RPTOR: variants seen among roughly 807,000 people sequenced by gnomAD.
The protein encoded by RPTOR is regulatory associated protein of MTOR complex 1, also known as regulatory-associated protein of mTOR.
In RPTOR, 21 loss-of-function variants were observed where a neutral mutation model predicts 169.9. That is an observed-to-expected ratio of 0.12 (90% CI 0.09 to 0.18). The LOEUF is 0.18. Among genes scored for constraint, RPTOR ranks in the 10% least tolerant of loss-of-function variants. The pLI is 1.00. For synonymous variants in RPTOR, 732 were observed against 753.2 expected, an observed-to-expected ratio of 0.97 and a Z score of 0.46; for missense variants, 1,133 against 1,855.9, an observed-to-expected ratio of 0.61 and a Z score of 7.16.
intron 3 of RPTOR, among the ~76,000 whole-genome samples, chr17:80,679,864 G>A (rs140607117): frequency 3.3e-5 from 5 of 152,246 alleles, no homozygotes; most frequent in African/African-American, 1.2e-4. Flanking sequence ...ATCTCAAGAG[G>A]CAGGGTTAAC....
chr17:80,548,825 T>C (rs2084310824), intron 1 of RPTOR, among the ~76,000 whole-genome samples: 1 of 152,268 alleles, frequency 6.6e-6, no homozygotes, highest in African/African-American at 2.4e-5. Flanking sequence ...TGTTCTGTGC[T>C]AGGAGCTACA....
intron 2 of RPTOR, among the ~76,000 whole-genome samples, chr17:80,637,378 G>A (rs1020791457): frequency 1.3e-5 from 2 of 152,164 alleles, no homozygotes; most frequent in African/African-American, 4.8e-5. Context: ...GGCGAGACGG[G>A]GTCACAGCAC....
At chr17:80,834,412 G>A (rs56043926) in intron 9 of RPTOR, among the ~76,000 whole-genome samples, 18,147 of 152,172 alleles carry the variant, frequency 0.12, 2,149 homozygotes, top group African/African-American at 0.31. Flanking sequence ...TCCGTGCATC[G>A]TCTGGGCGCC....
intron 25 of RPTOR, 115 bp from the exon 26 acceptor site, chr17:80,945,552 A>T: frequency 1.7e-6 from 1 of 574,908 alleles, no homozygotes; most frequent in Non-Finnish European, 3.0e-6. Context: ...AGATTGCACC[A>T]CTGCACTCCA....
intron 11 of RPTOR, among the ~76,000 whole-genome samples, chr17:80,850,286 C>G (rs2067779435): frequency 6.6e-6 from 1 of 152,358 alleles, no homozygotes; most frequent in East Asian, 1.9e-4. Flanking sequence ...AGCTCCCACT[C>G]ACTTATACAT....
intron 1 of RPTOR, among the ~76,000 whole-genome samples, chr17:80,565,694 G>GGAGGGGTTAGAGCCCCAGGGC (rs1282720290): frequency 3.7e-5 from 5 of 136,540 alleles, no homozygotes; most frequent in Admixed American, 7.7e-5. Context: ...AGGCATGGGT[G>GGAGGGGTTAGAGCCCCAGGGC]TGGGAGCTGT....
chr17:80,938,018 G>A (rs540553610), intron 24 of RPTOR, among the ~76,000 whole-genome samples: 15 of 152,366 alleles, frequency 9.8e-5, no homozygotes, highest in African/African-American at 2.6e-4. Flanking sequence ...GTAAAGGAAG[G>A]CTGTGGGCTC....
chr17:80,649,418 G>C (rs569769946), intron 3 of RPTOR, among the ~76,000 whole-genome samples: 12 of 152,194 alleles, frequency 7.9e-5, no homozygotes, highest in African/African-American at 2.6e-4. Context: ...CCTGCCGCCA[G>C]CCCTCCCTCC....
chr17:80,802,243 T>G (rs1375036366), intron 7 of RPTOR: 1 of 152,266 alleles, frequency 6.6e-6, no homozygotes, highest in Non-Finnish European at 1.5e-5. Flanking sequence ...AGCACGGAGC[T>G]GTAACATCTG....
intron 2 of RPTOR, among the ~76,000 whole-genome samples, chr17:80,634,308 C>CTA (rs1196036367): frequency 0.056 from 3,600 of 64,680 alleles, 568 homozygotes; most frequent in African/African-American, 0.21. Flanking sequence ...TGTGTGCGTA[C>CTA]TGTGCGTGTG....
At chr17:80,905,087 C>G (rs1205845831) in intron 20 of RPTOR, among the ~76,000 whole-genome samples, 2 of 152,190 alleles carry the variant, frequency 1.3e-5, no homozygotes, top group Admixed American at 6.5e-5. Flanking sequence ...CTGTGCATCC[C>G]CCACACACAT....
At chr17:80,650,210 C>G (rs542783677) in intron 3 of RPTOR, among the ~76,000 whole-genome samples, 1 of 152,234 alleles carries the variant, frequency 6.6e-6, no homozygotes, top group East Asian at 1.9e-4. Context: ...GAGGGGACCC[C>G]TGCTGGCCAG....
At chr17:80,837,892 C>G (rs772548754) in intron 9 of RPTOR, 30 bp from the exon 10 acceptor site, 7 of 1,597,932 alleles carry the variant, frequency 4.4e-6, no homozygotes, top group African/African-American at 1.3e-5. Context: ...GTCCATAATG[C>G]TCAGTGGATT....
chr17:80,743,005 G>A (rs1250205022), intron 5 of RPTOR, among the ~76,000 whole-genome samples: 1 of 152,098 alleles, frequency 6.6e-6, no homozygotes, highest in African/African-American at 2.4e-5. Flanking sequence ...CTTCACATAT[G>A]TTCCTTTCTA....
intron 4 of RPTOR, among the ~76,000 whole-genome samples, chr17:80,718,053 G>T (rs191888240): frequency 7.9e-5 from 12 of 152,304 alleles, no homozygotes; most frequent in African/African-American, 2.9e-4. Flanking sequence ...GCTTTTTAGA[G>T]TTCCATTGTG....
chr17:80,954,197 C>T (rs1023785422), intron 28 of RPTOR, among the ~76,000 whole-genome samples: 1 of 152,056 alleles, frequency 6.6e-6, no homozygotes, highest in South Asian at 2.1e-4. Flanking sequence ...TCTTGGCTCA[C>T]TGCAACCTCC....
intron 4 of RPTOR, among the ~76,000 whole-genome samples, chr17:80,716,390 A>G (rs953410106): frequency 3.9e-5 from 6 of 151,984 alleles, no homozygotes; most frequent in Non-Finnish European, 8.8e-5. Context: ...TTGTCTATTC[A>G]TGTCCTTAGC....
At chr17:80,725,210 C>G (rs1263742603) in intron 4 of RPTOR, among the ~76,000 whole-genome samples, 1 of 152,184 alleles carries the variant, frequency 6.6e-6, no homozygotes, top group Non-Finnish European at 1.5e-5. Flanking sequence ...GGGCTGGGCT[C>G]TCCCGGCCAT....
At chr17:80,846,367 C>T (rs111846362) in intron 10 of RPTOR, 106 bp from the exon 11 acceptor site, 43,995 of 1,111,042 alleles carry the variant, frequency 0.04, 1,097 homozygotes, top group Non-Finnish European at 0.051. Context: ...CCCTGCAGGG[C>T]GGGCCCTTCG....
Sources: gnomAD v4.1 joint callset for allele counts (sites outside exome capture counted in the v4.1 genomes callset) on GRCh38, gnomAD v4.1.1 for gene constraint, MANE v1.5 for transcripts, NCBI Gene and HGNC (gene_info 2026-07-23, HGNC 2026-07-21) for gene names.